The following ASIC2 variants were observed in gnomAD, a reference collection of about 807,000 sequenced individuals.
ASIC2 encodes the protein acid-sensing ion channel 2.
In ASIC2, 25 loss-of-function variants were observed where a neutral mutation model predicts 57.3. The ratio of observed to expected loss-of-function variants is 0.44; its 90% CI spans 0.32 to 0.61. The LOEUF is 0.61. Among genes scored for constraint, ASIC2 ranks in the 20% least tolerant of loss-of-function variants. The probability of loss-of-function intolerance (pLI) is 0.06; values close to 1 mark genes in which losing one functional copy is unlikely to be tolerated. For missense variants in ASIC2, 641 were observed against 738.1 expected (o/e 0.87, Z 1.52); for synonymous variants, 319 against 307.5 (o/e 1.04, Z -0.39).
At chr17:33,463,012 T>C (rs1912692489) in intron 1 of ASIC2, among the ~76,000 whole-genome samples, 1 of 152,208 alleles carries the variant, frequency 6.6e-6, no homozygotes, top group Non-Finnish European at 1.5e-5. Context: ...TTGGTAAAGC[T>C]ATATATCATC....
intron 1 of ASIC2, among the ~76,000 whole-genome samples, chr17:33,887,861 T>A (rs1176738641): frequency 6.6e-6 from 1 of 152,166 alleles, no homozygotes; most frequent in Non-Finnish European, 1.5e-5. Context: ...AGACAGTCCT[T>A]GAATTGCCAT....
In ASIC2 at chr17:34,078,312, T is replaced by TACCTG; in HGVS notation, c.555+77665_555+77666insCAGGT. Among the ~76,000 whole-genome samples the TACCTG allele has an allele frequency of 3.3e-5, 5 of 152,330 alleles. 1 individual carries two copies. The South Asian group carries it at 1.0e-3, about 32-fold the overall frequency. On this transcript the variant is annotated intron_variant, in intron 1 of 9. Coordinates refer to the ASIC2 transcript ENST00000359872. Reference sequence around the variant, plus strand: ...AGCACTGTACCTGGCACTTCACAGATGCCCCATAATGCCACTGCTTCCTTG... The same window carrying TACCTG: ...AGCACTGTACCTGGCACTTCACAGATACCTGGCCCCATAATGCCACTGCTTCCTTG...
At chr17:34,037,945 C>T (rs1907955057) in intron 1 of ASIC2, 2 of 1,613,822 alleles carry the variant, frequency 1.2e-6, no homozygotes, top group Admixed American at 3.3e-5. Flanking sequence ...CACCCACCGA[C>T]CACACATCAA....
intron 1 of ASIC2, among the ~76,000 whole-genome samples, chr17:33,971,282 G>A (rs373385258): frequency 4.6e-5 from 7 of 152,054 alleles, no homozygotes; most frequent in African/African-American, 1.2e-4. Context: ...GTCAAAACAC[G>A]ATAAAACACC....
chr17:33,297,822 CAAAATAAATAAATAAATAAATAAA>C (rs1175608393), upstream of ASIC2, among the ~76,000 whole-genome samples: 63 of 107,024 alleles, frequency 5.9e-4, no homozygotes, highest in African/African-American at 2.2e-3. Context: ...GACCCTGTCT[CAAAATAAATAAATAAATAAATAAA>C]TAAATAAATA....
intron 7 of ASIC2, among the ~76,000 whole-genome samples, chr17:33,018,623 G>A (rs1443597398): frequency 6.6e-6 from 1 of 152,242 alleles, no homozygotes; most frequent in Non-Finnish European, 1.5e-5. Flanking sequence ...GCAGAGCCGA[G>A]GGCTCTGAGG....
intron 1 of ASIC2, among the ~76,000 whole-genome samples, chr17:33,720,251 GA>G (rs1909346862): frequency 6.6e-6 from 1 of 152,178 alleles, no homozygotes; most frequent in Non-Finnish European, 1.5e-5. Context: ...AGAATCTAAA[GA>G]AAGTAAGTGG....
intron 1 of ASIC2, among the ~76,000 whole-genome samples, chr17:33,747,723 G>T (rs989497367): frequency 1.3e-5 from 2 of 152,120 alleles, no homozygotes; most frequent in African/African-American, 2.4e-5. Flanking sequence ...TCCAGAGAGG[G>T]AGTGACTTCT....
At chr17:33,015,870 C>A in intron 9 of ASIC2, 101 bp downstream of exon 9, 1 of 1,206,810 alleles carries the variant, frequency 8.3e-7, no homozygotes, top group Non-Finnish European at 1.2e-6. Flanking sequence ...GAAAGGTGTG[C>A]AGTGAGTCAC....
chr17:33,535,513 T>C (rs1301286825), intron 1 of ASIC2, among the ~76,000 whole-genome samples: 2 of 151,964 alleles, frequency 1.3e-5, no homozygotes, highest in Admixed American at 6.6e-5. Flanking sequence ...CCTGCCCTCA[T>C]GATCTGCCCG....
chr17:34,050,469 A>G (rs758726069), intron 1 of ASIC2, among the ~76,000 whole-genome samples: 1 of 152,070 alleles, frequency 6.6e-6, no homozygotes, highest in Non-Finnish European at 1.5e-5. Context: ...TTCTTGAAAA[A>G]TCTCTTCCCA....
At chr17:33,570,967 G>C (rs774906594) in intron 1 of ASIC2, among the ~76,000 whole-genome samples, 1 of 152,202 alleles carries the variant, frequency 6.6e-6, no homozygotes, top group Non-Finnish European at 1.5e-5. Flanking sequence ...GTCAAAGCAA[G>C]TCACAAGGCC....
intron 1 of ASIC2, among the ~76,000 whole-genome samples, chr17:33,531,744 C>T (rs1915057569): frequency 6.6e-6 from 1 of 152,178 alleles, no homozygotes; most frequent in South Asian, 2.1e-4. Context: ...TCCCCAACTC[C>T]CAGCTTCTTT....
chr17:33,273,295 T>A (rs1206067256), intron 1 of ASIC2, among the ~76,000 whole-genome samples: 3 of 152,210 alleles, frequency 2.0e-5, no homozygotes, highest in Non-Finnish European at 4.4e-5. Context: ...AAAAGTTATA[T>A]AGCTGGGGTT....
intron 1 of ASIC2, among the ~76,000 whole-genome samples, chr17:33,466,804 A>G (rs1912880638): frequency 6.6e-6 from 1 of 152,218 alleles, no homozygotes; most frequent in South Asian, 2.1e-4. Context: ...TAGAAAGCTG[A>G]AACTGGATCC....
intron 1 of ASIC2, among the ~76,000 whole-genome samples, chr17:34,007,522 A>G (rs567612613): frequency 1.3e-5 from 2 of 152,326 alleles, no homozygotes; most frequent in Admixed American, 6.5e-5. Context: ...AAAGGGCCAG[A>G]AGACATTATC....
intron 1 of ASIC2, among the ~76,000 whole-genome samples, chr17:33,553,633 A>T (rs982206628): frequency 6.6e-6 from 1 of 152,118 alleles, no homozygotes; most frequent in Non-Finnish European, 1.5e-5. Flanking sequence ...CACTGTGCCC[A>T]GCTGAGAAAG....
intron 1 of ASIC2, among the ~76,000 whole-genome samples, chr17:33,210,104 A>G (rs996862489): frequency 6.6e-6 from 1 of 152,174 alleles, no homozygotes; most frequent in Non-Finnish European, 1.5e-5. Context: ...CAATTAACAA[A>G]GAAAGTTTCT....
At chr17:34,067,262 G>A (rs1598004096) in intron 1 of ASIC2, among the ~76,000 whole-genome samples, 2 of 152,112 alleles carry the variant, frequency 1.3e-5, no homozygotes, top group African/African-American at 4.8e-5. Flanking sequence ...TTTACACAGA[G>A]GCCTGGGCAT....
Sources: allele counts gnomAD v4.1 joint callset (sites outside exome capture counted in the v4.1 genomes callset), GRCh38; gene constraint gnomAD v4.1.1; transcripts MANE v1.5; gene names NCBI Gene and HGNC (gene_info 2026-07-23, HGNC 2026-07-21).